The following MRAP2 variants were observed in gnomAD, a reference collection of about 807,000 sequenced individuals.
The protein encoded by MRAP2 is melanocortin-2 receptor accessory protein 2.
A neutral mutation model predicts 17.4 loss-of-function variants in MRAP2; 20 were observed. The observed-to-expected ratio is 1.15, with a 90% confidence interval of 0.81 to 1.67. The LOEUF is 1.67. Ranked by LOEUF, MRAP2 falls within the 40% of genes most tolerant of loss-of-function variation. MRAP2 has a pLI of 0.00. For missense variants in MRAP2, 238 were observed against 240.0 expected (o/e 0.99, Z 0.05); for synonymous variants, 96 against 88.4 (o/e 1.09, Z -0.48).
At chr6:84,138,950 G>A in the MRAP2 span, among the ~76,000 whole-genome samples, 2 of 152,276 alleles carry the variant, frequency 1.3e-5, no homozygotes, top group Non-Finnish European at 2.9e-5. Context: ...ATTGTAGAGT[G>A]TTTTTACATT....
At chr6:84,135,224 A>G in the MRAP2 span, among the ~76,000 whole-genome samples, 1 of 152,216 alleles carries the variant, frequency 6.6e-6, no homozygotes. Flanking sequence ...ATGCTCAACT[A>G]AGGACAGAAA....
chr6:84,055,343 A>G lies in MRAP2; in HGVS notation c.25A>G (p.Asn9Asp). ...GATGTCCGCCCAGAGGTTAATTTCT[A>G]ACAGAACCTCCCAGCAATCGGCATC... MSAQRLISNRTSQQSASNS... is the reference protein window; with the variant it reads MSAQRLISDRTSQQSASNS... Residue 9 changes from asparagine to aspartate, a missense_variant, in exon 2 of 4, where the codon AAC becomes GAC. Coordinates refer to ENST00000257776, the MANE Select transcript of MRAP2 (RefSeq NM_138409.4). 1.9e-6 allele frequency: 3 copies of G among 1,613,728 alleles called. No individual in the cohort carries two copies. Among genetic ancestry groups the G allele is most frequent in the Non-Finnish European group, 2.5e-6 (3 of 1,179,930 alleles).
chr6:84,073,290 G>A (rs967348540), intron 3 of MRAP2, among the ~76,000 whole-genome samples: 14 of 152,164 alleles, frequency 9.2e-5, no homozygotes, highest in Middle Eastern at 6.8e-3. Context: ...TATTTCACTC[G>A]GCTCTCTAAA....
At chr6:84,053,488 C>T (rs554058650) in intron 1 of MRAP2, among the ~76,000 whole-genome samples, 4 of 152,128 alleles carry the variant, frequency 2.6e-5, no homozygotes, top group South Asian at 4.2e-4. Flanking sequence ...GTCTAGGCAC[C>T]GTGGCTCACA....
chr6:84,059,326 T>C (rs1296092308), intron 2 of MRAP2, among the ~76,000 whole-genome samples: 1 of 152,172 alleles, frequency 6.6e-6, no homozygotes, highest in Non-Finnish European at 1.5e-5. Flanking sequence ...TGGAGTAAGA[T>C]AGTAGAGACA....
At chr6:84,085,794 A>T (rs551120736) in intron 3 of MRAP2, among the ~76,000 whole-genome samples, 253 of 152,342 alleles carry the variant, frequency 1.7e-3, no homozygotes, top group African/African-American at 5.8e-3. Context: ...CCACAAGGAC[A>T]CTTCTCAGGA....
intron 3 of MRAP2, among the ~76,000 whole-genome samples, chr6:84,070,325 A>G (rs761010862): frequency 6.6e-5 from 10 of 152,086 alleles, no homozygotes; most frequent in Admixed American, 1.3e-4. Context: ...GAATTTTTAA[A>G]TTTCTATGTT....
rs1167174946 is a variant in MRAP2, at chr6:84,055,311, G to C, written c.-7-1G>C. 1.2e-6 allele frequency: 2 copies of C among 1,611,106 alleles called. No individual in the cohort carries two copies. Among genetic ancestry groups the C allele is most frequent in the Non-Finnish European group, 1.7e-6 (2 of 1,179,418 alleles). ...GCGCTTGACTTTCTCCATTTGTGCA[G>C]GTCGGAGATGTCCGCCCAGAGGTTA... On this transcript the variant is annotated splice_acceptor_variant, in intron 1 of 3. Transcript: ENST00000257776. LOFTEE classifies it low-confidence loss of function (5UTR_SPLICE).
the MRAP2 span, among the ~76,000 whole-genome samples, chr6:84,096,943 C>T: frequency 6.6e-6 from 1 of 152,164 alleles, no homozygotes; most frequent in African/African-American, 2.4e-5. Context: ...GCATTACAAA[C>T]AATAACAGGT....
intron 3 of MRAP2, among the ~76,000 whole-genome samples, chr6:84,063,851 T>A (rs56297130): frequency 0.2 from 30,565 of 151,650 alleles, 3,155 homozygotes; most frequent in Middle Eastern, 0.32. Context: ...GTTCAAGACC[T>A]GCCTCGCTAT....
chr6:84,091,816 G>A (rs913138537), downstream of MRAP2, among the ~76,000 whole-genome samples: 1 of 152,092 alleles, frequency 6.6e-6, no homozygotes, highest in African/African-American at 2.4e-5. Context: ...CAAGAGTCTT[G>A]GGTCAGAGAC....
intron 2 of MRAP2, among the ~76,000 whole-genome samples, chr6:84,058,475 T>C (rs1037408520): frequency 1.3e-5 from 2 of 152,090 alleles, no homozygotes; most frequent in African/African-American, 4.8e-5. Context: ...GAAGGAGGTT[T>C]CAGAGAGGAA....
At chr6:84,047,946 T>G (rs2099489465) in intron 1 of MRAP2, among the ~76,000 whole-genome samples, 1 of 152,250 alleles carries the variant, frequency 6.6e-6, no homozygotes, top group South Asian at 2.1e-4. Context: ...TGTGGCATGT[T>G]TCAGAACTTC....
intron 3 of MRAP2, among the ~76,000 whole-genome samples, chr6:84,087,320 T>G (rs1015353112): frequency 4.6e-5 from 7 of 152,192 alleles, no homozygotes; most frequent in Non-Finnish European, 1.0e-4. Flanking sequence ...TCTTTTGAGT[T>G]TCTGATTGAC....
At chr6:84,097,089 A>G in the MRAP2 span, among the ~76,000 whole-genome samples, 77 of 152,312 alleles carry the variant, frequency 5.1e-4, no homozygotes, top group African/African-American at 1.7e-3. Flanking sequence ...AAATCCTTCA[A>G]TGGCTTCCCA....
the MRAP2 span, among the ~76,000 whole-genome samples, chr6:84,105,601 A>G: frequency 2.0e-5 from 3 of 152,330 alleles, no homozygotes; most frequent in East Asian, 5.8e-4. Flanking sequence ...AAACCATATC[A>G]GCATGGTAGT....
intron 1 of MRAP2, among the ~76,000 whole-genome samples, chr6:84,050,663 T>C (rs1220153191): frequency 6.6e-6 from 1 of 152,232 alleles, no homozygotes; most frequent in African/African-American, 2.4e-5. Context: ...GTGACTTCTC[T>C]ATGTTGTGCG....
At chr6:84,041,201 C>T (rs1162276015) in intron 1 of MRAP2, among the ~76,000 whole-genome samples, 1 of 152,234 alleles carries the variant, frequency 6.6e-6, no homozygotes, top group Non-Finnish European at 1.5e-5. Context: ...AGCCCCAAGC[C>T]TTGGCAGCTT....
At chr6:84,137,543 AT>A in the MRAP2 span, among the ~76,000 whole-genome samples, 2 of 152,156 alleles carry the variant, frequency 1.3e-5, no homozygotes, top group African/African-American at 2.4e-5. Flanking sequence ...ATTAAAAAAA[AT>A]AAAACCCCAC....
Sources: gnomAD v4.1 joint callset for allele counts (sites outside exome capture counted in the v4.1 genomes callset) on GRCh38, gnomAD v4.1.1 for gene constraint, MANE v1.5 for transcripts, NCBI Gene and HGNC (gene_info 2026-07-23, HGNC 2026-07-21) for gene names.